The following TRAPPC9 variants were observed in gnomAD, a reference collection of about 807,000 sequenced individuals.
TRAPPC9 encodes IKK2 binding protein.
A neutral mutation model predicts 124.0 loss-of-function variants in TRAPPC9; 83 were observed. The ratio of observed to expected loss-of-function variants is 0.67; its 90% CI spans 0.56 to 0.80. The LOEUF is 0.80. Among genes scored for constraint, TRAPPC9 ranks in the 30% least tolerant of loss-of-function variants. TRAPPC9 has a pLI of 0.00. For synonymous variants in TRAPPC9, 638 were observed against 617.5 expected (o/e 1.03, Z -0.49); for missense variants, 1,302 against 1,508.3 (o/e 0.86, Z 2.27).
chr8:140,208,373 T>C (rs2062977245), intron 17 of TRAPPC9, among the ~76,000 whole-genome samples: 1 of 152,116 alleles, frequency 6.6e-6, no homozygotes, highest in Admixed American at 6.5e-5. Flanking sequence ...TTTCATCTCT[T>C]AAGGTGGTGG....
chr8:139,827,853 G>A (rs766531982), intron 21 of TRAPPC9, among the ~76,000 whole-genome samples: 15 of 152,322 alleles, frequency 9.8e-5, no homozygotes, highest in Non-Finnish European at 2.1e-4. Flanking sequence ...CTGGGGAGAC[G>A]TCAAGGAGCT....
At position 139,784,626 on chromosome 8, in the gene TRAPPC9, T is replaced by C. The variant is rs1407166487; in HGVS notation, c.3056-52424A>G. On this transcript the variant is annotated intron_variant, in intron 21 of 22. Coordinates refer to ENST00000438773, the MANE Select transcript of TRAPPC9 (RefSeq NM_001160372.4). ...AGACTGACATATATATATATATATA[T>C]ATATATATATATATATATAAATCAA... Among the ~76,000 whole-genome samples the C allele has an allele frequency of 3.5e-4, 50 of 142,122 alleles. 1 individual carries two copies. Among genetic ancestry groups the C allele is most frequent in the African/African-American group, 1.2e-3 (48 of 39,626 alleles). 93.2% of individuals were successfully genotyped at this position (142,122 alleles called of 152,430 possible). A position where few individuals can be genotyped will look rare whatever the true frequency, so the allele number is the denominator to read the frequency against.
intron 19 of TRAPPC9, chr8:139,932,428 A>G (rs375354037): frequency 1.3e-5 from 6 of 457,722 alleles, no homozygotes; most frequent in East Asian, 1.4e-4. Flanking sequence ...TTCTCCCGTC[A>G]TAAGTACAAG....
chr8:139,776,502 G>A lies in TRAPPC9; in HGVS notation c.3056-44300C>T, dbSNP rs976649516. Among the ~76,000 whole-genome samples, 2 of 152,166 alleles carry A rather than the reference G, an allele frequency of 1.3e-5. No homozygotes were observed. Among genetic ancestry groups the A allele is most frequent in the African/African-American group, 4.8e-5 (2 of 41,442 alleles). On this transcript the variant is annotated intron_variant, in intron 21 of 22. Coordinates refer to ENST00000438773, the MANE Select transcript of TRAPPC9 (RefSeq NM_001160372.4). The surrounding 1 kb of genome is among the most constrained non-coding windows in gnomAD (Gnocchi z 4.1). ...ACAGGTGATGCATCTCAACCCATTCGGCAAACGGGAGCTTCATCGCAATAG... is the reference window on the plus strand; with the variant it reads ...ACAGGTGATGCATCTCAACCCATTCAGCAAACGGGAGCTTCATCGCAATAG...
chr8:139,890,650 C>T (rs1231184668), intron 20 of TRAPPC9, among the ~76,000 whole-genome samples: 1 of 152,174 alleles, frequency 6.6e-6, no homozygotes, highest in East Asian at 1.9e-4. Context: ...TTGTCTCCCT[C>T]AGGGACTGAG....
At chr8:140,451,977 C>T (rs896844002) in intron 1 of TRAPPC9, among the ~76,000 whole-genome samples, 3 of 151,900 alleles carry the variant, frequency 2.0e-5, no homozygotes, top group Middle Eastern at 3.2e-3. Flanking sequence ...AAAAATTAGC[C>T]GGGTGTGGTG....
intron 17 of TRAPPC9, among the ~76,000 whole-genome samples, chr8:140,089,373 G>C (rs2130143354): frequency 6.6e-6 from 1 of 152,306 alleles, no homozygotes; most frequent in East Asian, 1.9e-4. Context: ...GTTTTAGAAA[G>C]ACCATAGGGT....
At chr8:139,833,702 G>A (rs908786470) in intron 21 of TRAPPC9, among the ~76,000 whole-genome samples, 1 of 152,248 alleles carries the variant, frequency 6.6e-6, no homozygotes, top group Non-Finnish European at 1.5e-5. Context: ...AGCAGCTGCG[G>A]CCACCAAAGA....
chr8:140,029,661 C>T (rs1477331282), intron 17 of TRAPPC9, among the ~76,000 whole-genome samples: 1 of 150,278 alleles, frequency 6.7e-6, no homozygotes, highest in Non-Finnish European at 1.5e-5. Context: ...TATATACTCC[C>T]AAAAGAAACC....
At chr8:140,053,617 C>A (rs1423830976) in intron 17 of TRAPPC9, among the ~76,000 whole-genome samples, 1 of 152,162 alleles carries the variant, frequency 6.6e-6, no homozygotes, top group Non-Finnish European at 1.5e-5. Flanking sequence ...TTTCCTTCCT[C>A]ATTTTCTGTC....
At chr8:139,917,432 G>A (rs528256627) in intron 19 of TRAPPC9, among the ~76,000 whole-genome samples, 19 of 151,872 alleles carry the variant, frequency 1.3e-4, no homozygotes, top group Non-Finnish European at 1.9e-4. Flanking sequence ...TGCCTGCCTC[G>A]GCCTCCCAAA....
chr8:139,757,695 C>T (rs898777578), intron 21 of TRAPPC9, among the ~76,000 whole-genome samples: 21 of 152,092 alleles, frequency 1.4e-4, no homozygotes, highest in African/African-American at 4.6e-4. Context: ...TCACTTCTGA[C>T]GCCACTGGCC....
chr8:140,269,127 GTC>G (rs1457883184), intron 15 of TRAPPC9, among the ~76,000 whole-genome samples: 1 of 108,644 alleles, frequency 9.2e-6, no homozygotes, highest in Non-Finnish European at 1.8e-5. Flanking sequence ...ATTTGCACAT[GTC>G]ACTGTACATG....
intron 19 of TRAPPC9, among the ~76,000 whole-genome samples, chr8:139,945,826 A>G (rs1834179329): frequency 6.6e-6 from 1 of 152,218 alleles, no homozygotes; most frequent in Non-Finnish European, 1.5e-5. Context: ...GGGGAAATAT[A>G]CTGAGGTTTG....
At chr8:140,253,585 G>A (rs2064178626) in intron 15 of TRAPPC9, among the ~76,000 whole-genome samples, 1 of 152,110 alleles carries the variant, frequency 6.6e-6, no homozygotes, top group Non-Finnish European at 1.5e-5. Flanking sequence ...GGCTGAGGCA[G>A]GAGAATCGCT....
chr8:139,741,564 A>G (rs1818561201), intron 21 of TRAPPC9, among the ~76,000 whole-genome samples: 1 of 152,090 alleles, frequency 6.6e-6, no homozygotes, highest in African/African-American at 2.4e-5. Flanking sequence ...AAAGTGTACA[A>G]TTCAGTGGTT....
intron 7 of TRAPPC9, among the ~76,000 whole-genome samples, chr8:140,386,356 G>C (rs2068755705): frequency 6.6e-6 from 1 of 152,178 alleles, no homozygotes; most frequent in Admixed American, 6.5e-5. Context: ...TATTTAATTA[G>C]GAAAAGAGGA....
Position 140,067,528 on chromosome 8 carries a change from G to C in TRAPPC9, c.2557-43449C>G, listed in dbSNP as rs574745368. Among the ~76,000 whole-genome samples, 5 of 152,260 alleles carry C rather than the reference G, an allele frequency of 3.3e-5. No homozygotes were observed. In the South Asian group the frequency reaches 1.0e-3, roughly 32 times the overall value. ...TTCCCTCAATCCCATGAGAACTACT[G>C]TCCATGTCCACTTACGTGAGGACAG... On this transcript the variant is annotated intron_variant, in intron 17 of 22. Coordinates refer to ENST00000438773, the MANE Select transcript of TRAPPC9 (RefSeq NM_001160372.4).
At chr8:140,408,339 C>CTTG (rs1184486308) in intron 5 of TRAPPC9, among the ~76,000 whole-genome samples, 1 of 152,196 alleles carries the variant, frequency 6.6e-6, no homozygotes, top group African/African-American at 2.4e-5. Flanking sequence ...ATCAGCCCAA[C>CTTG]AATGCTTTCA....
Sources: gnomAD v4.1 joint callset for allele counts (sites outside exome capture counted in the v4.1 genomes callset) on GRCh38, gnomAD v4.1.1 for gene constraint, Gnocchi (gnomAD v3.1) non-coding constraint, MANE v1.5 for transcripts, NCBI Gene and HGNC (gene_info 2026-07-23, HGNC 2026-07-21) for gene names.